The following EPHA6 variants were observed in gnomAD, a reference collection of about 807,000 sequenced individuals.
EPHA6 encodes the protein EPH receptor A6.
Under a neutral mutation model 112.0 loss-of-function variants are expected in EPHA6, and 50 were observed. The observed-to-expected ratio is 0.45, with a 90% confidence interval of 0.36 to 0.56. The LOEUF (loss-of-function observed/expected upper bound fraction) is 0.56. Ranked by LOEUF, EPHA6 falls within the 20% of genes least tolerant of loss-of-function variation. The probability of loss-of-function intolerance (pLI) is 0.00; values close to 1 mark genes in which losing one functional copy is unlikely to be tolerated. For missense variants in EPHA6, 1,280 were observed against 1,417.4 expected, an observed-to-expected ratio of 0.90 and a Z score of 1.56; for synonymous variants, 529 against 490.7, an observed-to-expected ratio of 1.08 and a Z score of -1.03.
intron 13 of EPHA6, among the ~76,000 whole-genome samples, chr3:97,613,660 A>G (rs187421546): frequency 1.3e-5 from 2 of 152,062 alleles, no homozygotes; most frequent in African/African-American, 4.8e-5. Flanking sequence ...GAAAATATAC[A>G]TGTGTGTAGA....
chr3:96,897,624 G>GA (rs1325283308), intron 2 of EPHA6, among the ~76,000 whole-genome samples: 1 of 152,124 alleles, frequency 6.6e-6, no homozygotes, highest in African/African-American at 2.4e-5. Context: ...ATTTGTCCCT[G>GA]AGCAGATGTT....
intron 3 of EPHA6, among the ~76,000 whole-genome samples, chr3:97,178,255 C>T (rs1367174650): frequency 6.6e-6 from 1 of 152,060 alleles, no homozygotes; most frequent in Non-Finnish European, 1.5e-5. Flanking sequence ...TTTTATCACA[C>T]TGCTTTTTAA....
rs573194938 is a variant in EPHA6 at position 97,149,326 on chromosome 3, C to T, written c.1115-76938C>T. 7.9e-5 allele frequency among the ~76,000 whole-genome samples: 12 copies of T among 152,204 alleles called. 1 individual carries two copies. In the South Asian group the frequency reaches 2.5e-3, roughly 32 times the overall value. On this transcript the variant is annotated intron_variant, in intron 3 of 17. Transcript: ENST00000389672. ...CAAAACCACATGGCTGAGAAGGATG[C>T]TTGGCAATCGTGTTTGTACAGTTTT...
intron 11 of EPHA6, among the ~76,000 whole-genome samples, chr3:97,558,357 A>T (rs894016697): frequency 5.3e-5 from 8 of 151,984 alleles, no homozygotes; most frequent in Non-Finnish European, 7.4e-5. Flanking sequence ...CAGTCTCAGG[A>T]TTGACAGTTT....
chr3:96,943,986 T>G (rs1363707791), intron 2 of EPHA6, among the ~76,000 whole-genome samples: 1 of 152,244 alleles, frequency 6.6e-6, no homozygotes, highest in Admixed American at 6.5e-5. Context: ...TAAATTGTAT[T>G]ATATCCATCA....
intron 3 of EPHA6, among the ~76,000 whole-genome samples, chr3:97,010,781 C>T (rs542230810): frequency 6.6e-5 from 10 of 152,148 alleles, no homozygotes; most frequent in Non-Finnish European, 1.5e-4. Context: ...GCCTCAGCCT[C>T]CAAGTAGCTG....
intron 3 of EPHA6, among the ~76,000 whole-genome samples, chr3:97,049,638 C>T (rs1233374340): frequency 6.6e-6 from 1 of 152,120 alleles, no homozygotes; most frequent in Non-Finnish European, 1.5e-5. Context: ...ATACCTGAGA[C>T]TGGGTAATTT....
chr3:96,926,769 G>A (rs967814141), intron 2 of EPHA6, among the ~76,000 whole-genome samples: 1 of 152,208 alleles, frequency 6.6e-6, no homozygotes, highest in South Asian at 2.1e-4. Flanking sequence ...GGCTCCCATG[G>A]CCTTGGCTTT....
chr3:97,131,601 A>G (rs924930972), intron 3 of EPHA6, among the ~76,000 whole-genome samples: 3 of 152,152 alleles, frequency 2.0e-5, no homozygotes, highest in African/African-American at 7.2e-5. Context: ...AGAAAGGATA[A>G]TTATGTACAC....
chr3:97,252,170 G>T (rs1300290557), intron 5 of EPHA6, among the ~76,000 whole-genome samples: 6 of 152,198 alleles, frequency 3.9e-5, no homozygotes, highest in East Asian at 1.9e-4. Context: ...GGAAGTAAAA[G>T]AGAGGGTCCC....
At chr3:97,174,131 G>A (rs921970494) in intron 3 of EPHA6, among the ~76,000 whole-genome samples, 1 of 151,056 alleles carries the variant, frequency 6.6e-6, no homozygotes, top group Non-Finnish European at 1.5e-5. Context: ...AGATAAGTGA[G>A]AACATGTGAT....
intron 6 of EPHA6, among the ~76,000 whole-genome samples, chr3:97,428,492 A>G (rs947576694): frequency 8.5e-5 from 13 of 152,190 alleles, no homozygotes; most frequent in Non-Finnish European, 1.5e-4. Context: ...TAGATGTTTT[A>G]CCACTATAGT....
chr3:96,914,712 T>C (rs910314561), intron 2 of EPHA6, among the ~76,000 whole-genome samples: 1 of 152,070 alleles, frequency 6.6e-6, no homozygotes, highest in Non-Finnish European at 1.5e-5. Context: ...GAGAGAATCT[T>C]CTTGTTTGCT....
At chr3:97,350,145 G>C (rs1270640171) in intron 5 of EPHA6, among the ~76,000 whole-genome samples, 1 of 151,930 alleles carries the variant, frequency 6.6e-6, no homozygotes, top group African/African-American at 2.4e-5. Flanking sequence ...TTTGGATATT[G>C]TAGAGAAAGA....
intron 14 of EPHA6, among the ~76,000 whole-genome samples, chr3:97,703,573 GTAAAATCACCAGTGAACTAGA>G (rs2033517620): frequency 1.3e-5 from 2 of 152,184 alleles, no homozygotes; most frequent in African/African-American, 4.8e-5. Flanking sequence ...AACATTGGCT[GTAAAATCACCAGTGAACTAGA>G]AAACAAAACA....
intron 13 of EPHA6, among the ~76,000 whole-genome samples, chr3:97,614,588 A>G (rs1026293522): frequency 2.1e-5 from 3 of 145,402 alleles, no homozygotes; most frequent in African/African-American, 5.1e-5. Flanking sequence ...TCCTTATCTC[A>G]TGATCCGCCT....
chr3:97,357,645 AC>A (rs758245571), intron 5 of EPHA6, among the ~76,000 whole-genome samples: 1 of 151,714 alleles, frequency 6.6e-6, no homozygotes, highest in Non-Finnish European at 1.5e-5. Flanking sequence ...ATGGGCACTA[AC>A]CCCCCATGCA....
At chr3:97,558,192 G>A (rs2093140192) in intron 11 of EPHA6, among the ~76,000 whole-genome samples, 1 of 152,008 alleles carries the variant, frequency 6.6e-6, no homozygotes, top group African/African-American at 2.4e-5. Flanking sequence ...CCTAGGTTCT[G>A]CACATGTGAG....
At chr3:97,155,970 G>C (rs1024495138) in intron 3 of EPHA6, among the ~76,000 whole-genome samples, 5 of 152,142 alleles carry the variant, frequency 3.3e-5, no homozygotes, top group Non-Finnish European at 7.3e-5. Flanking sequence ...AATAGACTAG[G>C]CCAACCAAGA....
Sources: gnomAD v4.1 joint callset for allele counts (sites outside exome capture counted in the v4.1 genomes callset) on GRCh38, gnomAD v4.1.1 for gene constraint, MANE v1.5 for transcripts, NCBI Gene and HGNC (gene_info 2026-07-23, HGNC 2026-07-21) for gene names.